MYT1: variants seen among roughly 807,000 people sequenced by gnomAD.
MYT1 encodes myelin transcription factor I.
In MYT1, 23 loss-of-function variants were observed where a neutral mutation model predicts 123.0. That is an observed-to-expected ratio of 0.19 (90% CI 0.13 to 0.26). MYT1 has a LOEUF of 0.26. Ranked by LOEUF, MYT1 falls within the 10% of genes least tolerant of loss-of-function variation. The pLI is 1.00. For synonymous variants in MYT1, 518 were observed against 575.3 expected (o/e 0.90, Z 1.43); for missense variants, 1,125 against 1,472.5 (o/e 0.76, Z 3.86).
chr20:64,234,721 G>A (rs1314797149), intron 19 of MYT1, among the ~76,000 whole-genome samples: 3 of 96,282 alleles, frequency 3.1e-5, no homozygotes, highest in African/African-American at 1.8e-4. Flanking sequence ...TGAGCTGGCT[G>A]AGTGACCCTG....
At chr20:64,230,677 G>C (rs1253375071) in intron 18 of MYT1, among the ~76,000 whole-genome samples, 1 of 152,236 alleles carries the variant, frequency 6.6e-6, no homozygotes, top group Non-Finnish European at 1.5e-5. Flanking sequence ...ATCAGAGGGG[G>C]GCTGGACATT....
At chr20:64,199,943 G>A (rs1023619261) in intron 4 of MYT1, 21 bp downstream of exon 4, 8 of 1,613,434 alleles carry the variant, frequency 5.0e-6, no homozygotes, top group East Asian at 2.2e-5. Flanking sequence ...CTTCCTGTTA[G>A]CACCAAGCAT....
rs201343503 is a variant in MYT1 at position 64,218,923 on chromosome 20, C to T, written c.1859C>T (p.Ser620Leu). Residue 620 changes from serine to leucine, a missense_variant, in exon 12 of 23, where the codon TCG becomes TTG. This residue lies in a region of MYT1 where 429 missense variants were observed against 604.1 expected (regional missense o/e 0.71). Transcript: ENST00000328439. This position sits in a 1 kb window ranked among gnomAD's most constrained non-coding sequence, Gnocchi z 4.0. ...TCCTCTTCTGCAGGCTTTGACTACTCGCAGGACGCCGAGGCTGCACACATG... is the reference window on the plus strand; with the variant it reads ...TCCTCTTCTGCAGGCTTTGACTACTTGCAGGACGCCGAGGCTGCACACATG... ...SPKAFQCFDY[S>L]QDAEAAHMAA... 2.2e-5 allele frequency: 35 copies of T among 1,613,634 alleles called. No individual in the cohort carries two copies. The highest frequency in any genetic ancestry group is 1.3e-4 in the African/African-American group (10 of 75,054).
intron 19 of MYT1, among the ~76,000 whole-genome samples, chr20:64,235,882 A>G (rs77340086): frequency 0.025 from 1,239 of 48,672 alleles, 30 homozygotes; most frequent in East Asian, 0.087. Flanking sequence ...TGGGATGGTC[A>G]TGGTGGGTGA....
intron 1 of MYT1, among the ~76,000 whole-genome samples, chr20:64,184,335 A>ATT (rs572464717): frequency 2.8e-5 from 4 of 143,990 alleles, no homozygotes; most frequent in African/African-American, 7.6e-5. Context: ...GTCCAACTTC[A>ATT]TTTTTTTTTT....
chr20:64,182,027 G>A (rs1249525347), intron 1 of MYT1, among the ~76,000 whole-genome samples: 2 of 152,208 alleles, frequency 1.3e-5, no homozygotes, highest in East Asian at 3.8e-4. Context: ...CTGGTTTCGT[G>A]TGGGCCTTAA....
chr20:64,176,841 C>T (rs1982471779), intron 1 of MYT1, among the ~76,000 whole-genome samples: 2 of 152,214 alleles, frequency 1.3e-5, no homozygotes, highest in African/African-American at 2.4e-5. Context: ...GCACACTCCT[C>T]CCCTGTTGGC....
chr20:64,195,400 A>T (rs55867718), intron 2 of MYT1, among the ~76,000 whole-genome samples: 33 of 7,818 alleles, frequency 4.2e-3, no homozygotes, highest in Admixed American at 9.9e-3. Context: ...GTGTGTGTAT[A>T]CTTTTTTTTT....
Position 64,240,571 on chromosome 20 carries a change from G to C in MYT1, c.*123G>C, listed in dbSNP as rs58518433. Reference sequence around the variant, plus strand: ...TTTGGGGCCCGGTGTGGCCGCGGGCGGGTTTATCCAAAGGGATGGCTGGAA... The same window carrying C: ...TTTGGGGCCCGGTGTGGCCGCGGGCCGGTTTATCCAAAGGGATGGCTGGAA... On this transcript the variant is annotated 3_prime_UTR_variant, in exon 23 of 23. Coordinates refer to ENST00000328439, the MANE Select transcript of MYT1 (RefSeq NM_004535.3). 7 of 1,375,308 alleles carry C rather than the reference G, an allele frequency of 5.1e-6. No homozygotes were observed. Among genetic ancestry groups the C allele is most frequent in the Non-Finnish European group, 6.7e-6 (7 of 1,044,712 alleles). The allele number at this position is 1,375,308 out of a possible 1,614,324, so 85.2% of individuals were successfully genotyped here.
At chr20:64,201,751 TG>T (rs1345596215) in intron 4 of MYT1, among the ~76,000 whole-genome samples, 1 of 152,220 alleles carries the variant, frequency 6.6e-6, no homozygotes, top group Admixed American at 6.5e-5. Flanking sequence ...TCTGTCCTGG[TG>T]GGGGCCACAC....
At chr20:64,237,968 A>G (rs1055205471) in intron 21 of MYT1, among the ~76,000 whole-genome samples, 2 of 152,214 alleles carry the variant, frequency 1.3e-5, no homozygotes, top group African/African-American at 4.8e-5. Context: ...ACGCATTTCT[A>G]TGAGGAAAAC....
chr20:64,189,533 G>C lies in MYT1; in HGVS notation c.-98-530G>C, dbSNP rs968124184. 6.6e-6 allele frequency among the ~76,000 whole-genome samples: 1 copy of C among 152,182 alleles called. No homozygotes were observed. Among genetic ancestry groups the C allele is most frequent in the East Asian group, 1.9e-4 (1 of 5,194 alleles). On this transcript the variant is annotated intron_variant, in intron 1 of 22. Transcript: ENST00000328439. The surrounding 1 kb of genome is among the most constrained non-coding windows in gnomAD (Gnocchi z 5.5). ...CATGCTGGGGCCCCCGGGATCCTGC[G>C]GGAGGCAAAGCTGATTTGAGACCAT...
At position 64,240,524 on chromosome 20, in the gene MYT1, C is replaced by A; in HGVS notation, c.*76C>A. ...CGCCCTGCCCCGCACCGTGGGGATGCCCAACTCACAGTGACTTCCCGTTTG... is the reference window on the plus strand; with the variant it reads ...CGCCCTGCCCCGCACCGTGGGGATGACCAACTCACAGTGACTTCCCGTTTG... On this transcript the variant is annotated 3_prime_UTR_variant, in exon 23 of 23. Transcript: ENST00000328439. 6.7e-7 allele frequency: 1 copy of A among 1,497,188 alleles called. No individual in the cohort carries two copies. The highest frequency in any genetic ancestry group is 8.9e-7 in the Non-Finnish European group (1 of 1,122,494). 92.7% of individuals were successfully genotyped at this position (1,497,188 alleles called of 1,614,324 possible). A position where few individuals can be genotyped will look rare whatever the true frequency, so the allele number is the denominator to read the frequency against.
chr20:64,236,047 GT>G lies in MYT1; in HGVS notation c.2898-507del, dbSNP rs1306868084. On this transcript the variant is annotated intron_variant, in intron 19 of 22. Coordinates refer to ENST00000328439, the MANE Select transcript of MYT1 (RefSeq NM_004535.3). ...GGCCGCGGTGGGTGACCCTGGGATGGTCGCGGTGGGTGACCCTGGGCTGGCC... is the reference window on the plus strand; with the variant it reads ...GGCCGCGGTGGGTGACCCTGGGATGGCGCGGTGGGTGACCCTGGGCTGGCC... Among the ~76,000 whole-genome samples, 13 of 104,782 alleles carry G rather than the reference GT, an allele frequency of 1.2e-4. 5 individuals carry two copies. Among genetic ancestry groups the G allele is most frequent in the African/African-American group, 4.3e-4 (9 of 21,172 alleles). 68.7% of individuals were successfully genotyped at this position (104,782 alleles called of 152,430 possible). A position where few individuals can be genotyped will look rare whatever the true frequency, so the allele number is the denominator to read the frequency against.
In MYT1 at chr20:64,231,299, C is replaced by G. The variant is rs1568720329; in HGVS notation, c.2676-865C>G. Among the ~76,000 whole-genome samples the G allele has an allele frequency of 6.6e-6, 1 of 152,216 alleles. No individual in the cohort carries two copies. The highest frequency in any genetic ancestry group is 6.5e-5 in the Admixed American group (1 of 15,284). On this transcript the variant is annotated intron_variant, in intron 18 of 22. Coordinates refer to ENST00000328439, the MANE Select transcript of MYT1 (RefSeq NM_004535.3). This position sits in a 1 kb window ranked among gnomAD's most constrained non-coding sequence, Gnocchi z 6.4. Reference sequence around the variant, plus strand: ...TCCTGGATGACGTGGTCCCTCAGCTCCCCAAGTCCTGGTCCAGGTCCTTCC... The same window carrying G: ...TCCTGGATGACGTGGTCCCTCAGCTGCCCAAGTCCTGGTCCAGGTCCTTCC...
chr20:64,227,333 C>T, intron 16 of MYT1, 82 bp from the exon 17 acceptor site: 1 of 1,361,148 alleles, frequency 7.3e-7, no homozygotes, highest in Non-Finnish European at 1.0e-6. Context: ...GCCCAGAAGG[C>T]TTTCCTCTGG....
chr20:64,183,574 G>A (rs1982713921), intron 1 of MYT1, among the ~76,000 whole-genome samples: 1 of 152,214 alleles, frequency 6.6e-6, no homozygotes, highest in South Asian at 2.1e-4. Context: ...GTATCTGAGT[G>A]TGGTTTTGAT....
rs1568711450 is a variant in MYT1, at chr20:64,208,804, G to A, written c.1291+317G>A. On this transcript the variant is annotated intron_variant, in intron 7 of 22. Transcript: ENST00000328439. The surrounding 1 kb of genome is among the most constrained non-coding windows in gnomAD (Gnocchi z 5.4). ...AGCATCTGGGGTCTGGAGAGGGTGG[G>A]GACCGTCCTGTCCCTTCCACCCCAA... is the stretch of plus-strand genomic sequence containing the variant. 6.6e-6 allele frequency among the ~76,000 whole-genome samples: 1 copy of A among 152,182 alleles called. No homozygotes were observed. Among genetic ancestry groups the A allele is most frequent in the African/African-American group, 2.4e-5 (1 of 41,446 alleles).
Position 64,211,228 on chromosome 20 carries a change from T to C in MYT1, c.1314T>C (p.Arg438=). ...TAGATCCTTCAAGAGCTGAGAAGCG[T>C]GAGATCAAGTGTCCAACACCAGGCT... ...YSKDPSRAEK[R]EIKCPTPGCD... The change falls in exon 8 of 23, where the codon CGT becomes CGC. Residue 438 remains arginine, a synonymous_variant. Coordinates refer to ENST00000328439, the MANE Select transcript of MYT1 (RefSeq NM_004535.3). 1.2e-6 allele frequency: 2 copies of C among 1,613,184 alleles called. No individual in the cohort carries two copies. The highest frequency in any genetic ancestry group is 1.7e-6 in the Non-Finnish European group (2 of 1,179,350).
Sources: allele counts gnomAD v4.1 joint callset (sites outside exome capture counted in the v4.1 genomes callset), GRCh38; gene constraint gnomAD v4.1.1; regional missense constraint gnomAD v4.1.1; non-coding constraint Gnocchi (gnomAD v3.1); transcripts MANE v1.5; gene names NCBI Gene and HGNC (gene_info 2026-07-23, HGNC 2026-07-21).